The following SLC24A4 variants were observed in gnomAD, a reference collection of about 807,000 sequenced individuals.
SLC24A4 encodes sodium/potassium/calcium exchanger 4.
SLC24A4 carries 53 observed loss-of-function variants against 79.0 expected under a neutral mutation model. The observed-to-expected ratio is 0.67, with a 90% confidence interval of 0.54 to 0.84. SLC24A4 has a LOEUF of 0.84. Ranked by LOEUF, SLC24A4 falls within the 40% of genes least tolerant of loss-of-function variation. The pLI is 0.00. For synonymous variants in SLC24A4, 323 were observed against 323.8 expected, an observed-to-expected ratio of 1.00 and a Z score of 0.03; for missense variants, 731 against 822.0, an observed-to-expected ratio of 0.89 and a Z score of 1.35.
At chr14:92,393,793 C>T (rs1430104196) in intron 2 of SLC24A4, among the ~76,000 whole-genome samples, 4 of 152,112 alleles carry the variant, frequency 2.6e-5, no homozygotes, top group Non-Finnish European at 4.4e-5. Flanking sequence ...GGCAGATCAC[C>T]TGAGGTCAGG....
intron 2 of SLC24A4, among the ~76,000 whole-genome samples, chr14:92,346,583 G>A (rs1034669603): frequency 6.6e-6 from 1 of 152,196 alleles, no homozygotes; most frequent in Non-Finnish European, 1.5e-5. Context: ...AAGGCCTTAT[G>A]TTCAAGCTGT....
chr14:92,493,673 A>G lies in SLC24A4; in HGVS notation c.*45A>G, dbSNP rs1409941867. On this transcript the variant is annotated 3_prime_UTR_variant, in exon 17 of 17. Coordinates refer to ENST00000532405, the MANE Select transcript of SLC24A4 (RefSeq NM_153646.4). ...GGAGCTGATCTGGACACCCTGTGAC[A>G]CTGGCGTTCTCCTCTCCCCTCCTTC... 2.5e-6 allele frequency: 4 copies of G among 1,601,450 alleles called. No homozygotes were observed. The South Asian group carries it at 3.4e-5, about 13-fold the overall frequency.
intron 2 of SLC24A4, among the ~76,000 whole-genome samples, chr14:92,423,177 C>T (rs139333260): frequency 8.0e-4 from 122 of 151,982 alleles, no homozygotes; most frequent in Admixed American, 2.4e-3. Context: ...GTCTCACTTG[C>T]TCTGTTGCCC....
chr14:92,436,312 TA>T (rs1272485812), intron 3 of SLC24A4, among the ~76,000 whole-genome samples: 2 of 152,242 alleles, frequency 1.3e-5, no homozygotes, highest in Admixed American at 6.5e-5. Context: ...TTTTTATAAA[TA>T]AAGTTTTATT....
chr14:92,492,826 G>A (rs750529737), intron 16 of SLC24A4: 17 of 455,284 alleles, frequency 3.7e-5, no homozygotes, highest in South Asian at 2.6e-4. Context: ...TTTACTCGCA[G>A]TGCTCCAGTG....
chr14:92,332,058 C>G (rs1453783208), intron 2 of SLC24A4, among the ~76,000 whole-genome samples: 1 of 151,946 alleles, frequency 6.6e-6, no homozygotes, highest in Non-Finnish European at 1.5e-5. Context: ...GCAGGCAGAT[C>G]ACTTGAGGTC....
chr14:92,323,233 C>A lies in SLC24A4; in HGVS notation c.-598C>A, dbSNP rs1884892953. 1 of 151,998 alleles carries A rather than the reference C, an allele frequency of 6.6e-6. No individual in the cohort carries two copies. Among genetic ancestry groups the A allele is most frequent in the African/African-American group, 2.4e-5 (1 of 41,402 alleles). 9.4% of individuals were successfully genotyped at this position (151,998 alleles called of 1,614,324 possible). A position where few individuals can be genotyped will look rare whatever the true frequency, so the allele number is the denominator to read the frequency against. ...GGGGAGAGCTCGCCCCTGGGAGGGCCGACGTCGAGCCTGCTCGCCGCGAGG... is the reference window on the plus strand; with the variant it reads ...GGGGAGAGCTCGCCCCTGGGAGGGCAGACGTCGAGCCTGCTCGCCGCGAGG... On this transcript the variant is annotated 5_prime_UTR_variant, in exon 1 of 17. Coordinates refer to ENST00000532405, the MANE Select transcript of SLC24A4 (RefSeq NM_153646.4). The surrounding 1 kb of genome is among the most constrained non-coding windows in gnomAD (Gnocchi z 4.9).
intron 11 of SLC24A4, among the ~76,000 whole-genome samples, chr14:92,454,805 A>C (rs537947118): frequency 3.3e-5 from 5 of 152,384 alleles, no homozygotes; most frequent in Admixed American, 2.0e-4. Context: ...TAGAAAGTAT[A>C]TTAAGAAAAG....
Position 92,442,157 on chromosome 14 carries a change from G to C in SLC24A4, c.462G>C (p.Leu154=), listed in dbSNP as rs1462232764. 5.0e-6 allele frequency: 8 copies of C among 1,613,680 alleles called. No homozygotes were observed. The highest frequency in any genetic ancestry group is 6.8e-6 in the Non-Finnish European group (8 of 1,179,798). Residue 154 remains leucine, a synonymous_variant, in exon 5 of 17, where the codon CTG becomes CTC. Coordinates refer to ENST00000532405, the MANE Select transcript of SLC24A4 (RefSeq NM_153646.4). ...CTGCAGGAAGCTCAACGCCAGAGCTGTTTGCGTCTGTTATTGGTAAGAAAT... is the reference window on the plus strand; with the variant it reads ...CTGCAGGAAGCTCAACGCCAGAGCTCTTTGCGTCTGTTATTGGTAAGAAAT... ...FMAAGSSTPE[L]FASVIGVFIT...
chr14:92,326,428 ACT>A (rs1885140290), intron 2 of SLC24A4, among the ~76,000 whole-genome samples: 1 of 151,630 alleles, frequency 6.6e-6, no homozygotes, highest in Non-Finnish European at 1.5e-5. Context: ...GGGGTGGGAC[ACT>A]CTGGGGTGCT....
intron 2 of SLC24A4, among the ~76,000 whole-genome samples, chr14:92,379,384 T>C (rs1888697080): frequency 6.6e-6 from 1 of 152,088 alleles, no homozygotes. Flanking sequence ...TTCTCAGTGG[T>C]TCTGCTCAGA....
At chr14:92,407,474 C>T (rs1024359403) in intron 2 of SLC24A4, among the ~76,000 whole-genome samples, 2 of 152,172 alleles carry the variant, frequency 1.3e-5, no homozygotes, top group African/African-American at 2.4e-5. Flanking sequence ...CCTTATACAG[C>T]TATAAAGAAC....
At chr14:92,385,548 A>T (rs911839539) in intron 2 of SLC24A4, among the ~76,000 whole-genome samples, 1 of 152,064 alleles carries the variant, frequency 6.6e-6, no homozygotes, top group African/African-American at 2.4e-5. Flanking sequence ...CAAAGATCTA[A>T]CATGTCACCC....
intron 2 of SLC24A4, among the ~76,000 whole-genome samples, chr14:92,378,215 GT>G (rs1370537445): frequency 6.6e-6 from 1 of 152,182 alleles, no homozygotes; most frequent in African/African-American, 2.4e-5. Context: ...CGTTGAGGTT[GT>G]TTGCAGCTAT....
intron 10 of SLC24A4, chr14:92,451,404 C>G (rs937603598): frequency 6.6e-6 from 1 of 152,344 alleles, no homozygotes; most frequent in Non-Finnish European, 1.5e-5. Context: ...ACTGGGGAGG[C>G]CAGGGCTTTG....
chr14:92,400,618 T>A (rs891273704), intron 2 of SLC24A4, among the ~76,000 whole-genome samples: 1 of 152,236 alleles, frequency 6.6e-6, no homozygotes, highest in South Asian at 2.1e-4. Flanking sequence ...CAGTTAGGCA[T>A]GCCCATCCCT....
At chr14:92,492,937 C>T (rs1042661087) in intron 16 of SLC24A4, 5 of 444,890 alleles carry the variant, frequency 1.1e-5, no homozygotes, top group Admixed American at 7.2e-5. Context: ...AAGATAATTC[C>T]GTGCTTTAAC....
At chr14:92,411,813 CTG>C (rs1029299312) in intron 2 of SLC24A4, among the ~76,000 whole-genome samples, 1 of 152,168 alleles carries the variant, frequency 6.6e-6, no homozygotes, top group Non-Finnish European at 1.5e-5. Context: ...TTGGACAAGA[CTG>C]TCAAATAATC....
chr14:92,331,382 C>G (rs1885468728), intron 2 of SLC24A4, among the ~76,000 whole-genome samples: 1 of 152,208 alleles, frequency 6.6e-6, no homozygotes, highest in South Asian at 2.1e-4. Context: ...CTTCCAGGCT[C>G]AAGCCATCGC....
Sources: allele counts gnomAD v4.1 joint callset (sites outside exome capture counted in the v4.1 genomes callset), GRCh38; gene constraint gnomAD v4.1.1; non-coding constraint Gnocchi (gnomAD v3.1); transcripts MANE v1.5; gene names NCBI Gene and HGNC (gene_info 2026-07-23, HGNC 2026-07-21).